SORBS2: variants seen among roughly 807,000 people sequenced by gnomAD.
The protein encoded by SORBS2 is sorbin and SH3 domain-containing protein 2.
In SORBS2, 46 loss-of-function variants were observed where a neutral mutation model predicts 97.7. The observed-to-expected ratio is 0.47, with a 90% CI of 0.37 to 0.60. The LOEUF (loss-of-function observed/expected upper bound fraction) is 0.60. Ranked by LOEUF, SORBS2 falls within the 20% of genes least tolerant of loss-of-function variation. SORBS2 has a pLI of 0.00. For missense variants in SORBS2, 1,316 were observed against 1,282.3 expected, an observed-to-expected ratio of 1.03 and a Z score of -0.40; for synonymous variants, 476 against 473.4, an observed-to-expected ratio of 1.01 and a Z score of -0.07.
intron 1 of SORBS2, among the ~76,000 whole-genome samples, chr4:185,873,586 G>T (rs550074324): frequency 5.9e-5 from 9 of 152,148 alleles, no homozygotes; most frequent in Admixed American, 5.9e-4. Context: ...TTGCTGCTAA[G>T]AGCTGATCAA....
chr4:185,935,476 G>A (rs1289749070), intron 1 of SORBS2, among the ~76,000 whole-genome samples: 1 of 152,134 alleles, frequency 6.6e-6, no homozygotes, highest in Admixed American at 6.5e-5. Context: ...ACACAAAAAT[G>A]TCTCTCACTA....
At chr4:185,692,480 G>A (rs965719864) in intron 2 of SORBS2, among the ~76,000 whole-genome samples, 2 of 152,160 alleles carry the variant, frequency 1.3e-5, no homozygotes, top group African/African-American at 4.8e-5. Flanking sequence ...TGTCTGCCAA[G>A]GTTCTCACCC....
chr4:185,631,288 G>T (rs146034133), intron 4 of SORBS2, among the ~76,000 whole-genome samples: 7 of 152,304 alleles, frequency 4.6e-5, no homozygotes, highest in African/African-American at 2.4e-5. Context: ...TTTAAAGTGC[G>T]CTTTTAAATT....
intron 9 of SORBS2, among the ~76,000 whole-genome samples, chr4:185,615,513 ATTT>A (rs544439736): frequency 7.0e-6 from 1 of 143,278 alleles, no homozygotes. Flanking sequence ...TTCTGCACTG[ATTT>A]TTTTTTTTTT....
intron 6 of SORBS2, 120 bp downstream of exon 18, chr4:185,626,712 T>G (rs2096822191): frequency 2.1e-6 from 2 of 948,550 alleles, no homozygotes; most frequent in Admixed American, 2.0e-5. Flanking sequence ...AACTATATTT[T>G]ATTCCAGACA....
chr4:185,705,094 A>G (rs774978041), intron 2 of SORBS2, among the ~76,000 whole-genome samples: 1 of 152,228 alleles, frequency 6.6e-6, no homozygotes, highest in Non-Finnish European at 1.5e-5. Context: ...GCACACGTAC[A>G]CATGCTGTTG....
intron 4 of SORBS2, chr4:185,646,047 A>T (rs1188050196): frequency 6.6e-6 from 1 of 152,236 alleles, no homozygotes; most frequent in Non-Finnish European, 1.5e-5. Context: ...ATGACAATCA[A>T]TCAGGAAGCT....
At chr4:185,941,946 T>C (rs1393318703) in intron 1 of SORBS2, among the ~76,000 whole-genome samples, 2 of 152,024 alleles carry the variant, frequency 1.3e-5, no homozygotes, top group Non-Finnish European at 2.9e-5. Flanking sequence ...TGAAACCCCA[T>C]CTCTACTAAA....
chr4:185,728,680 C>T (rs958791216), intron 2 of SORBS2, among the ~76,000 whole-genome samples: 3 of 152,204 alleles, frequency 2.0e-5, no homozygotes, highest in Non-Finnish European at 2.9e-5. Flanking sequence ...TGGCGATTCT[C>T]AGATCAGGGA....
At chr4:185,720,228 C>T (rs1463237498) in intron 2 of SORBS2, among the ~76,000 whole-genome samples, 1 of 152,234 alleles carries the variant, frequency 6.6e-6, no homozygotes, top group African/African-American at 2.4e-5. Context: ...GTGAGCAATA[C>T]ACATCTTTTA....
chr4:185,678,540 T>A (rs1285894925), exon 4 of SORBS2: 1 of 1,541,128 alleles, frequency 6.5e-7, no homozygotes, highest in Non-Finnish European at 8.7e-7. Flanking sequence ...CATTGTAAGA[T>A]CTCCAAGCTT....
At chr4:185,814,359 T>C (rs1241539026) in intron 1 of SORBS2, among the ~76,000 whole-genome samples, 1 of 142,944 alleles carries the variant, frequency 7.0e-6, no homozygotes, top group Non-Finnish European at 1.5e-5. Context: ...ACTGCATCTC[T>C]ACAAAAAAAA....
chr4:185,626,688 G>A lies in SORBS2; in HGVS notation c.634+144C>T, dbSNP rs73028080. On this transcript the variant is annotated intron_variant, in intron 6 of 14. Transcript: ENST00000418609. ...CTTGAGTCAGTCTGGGTGGGAAGAA[G>A]GCTATTGTTCTAAAACTATATTTTA... The A allele has an allele frequency of 0.016, 12,897 of 792,232 alleles. 1,110 individuals carry two copies. The African/African-American group carries it at 0.19, about 12-fold the overall frequency. The allele number at this position is 792,232 out of a possible 1,614,324, so 49.1% of individuals were successfully genotyped here.
chr4:185,817,183 G>C (rs2099193761), intron 1 of SORBS2, among the ~76,000 whole-genome samples: 1 of 151,504 alleles, frequency 6.6e-6, no homozygotes, highest in Admixed American at 6.6e-5. Flanking sequence ...TACCAGGTGG[G>C]GAAAAAATAA....
chr4:185,852,594 G>A (rs1017472192), intron 1 of SORBS2, among the ~76,000 whole-genome samples: 1 of 152,138 alleles, frequency 6.6e-6, no homozygotes, highest in Non-Finnish European at 1.5e-5. Context: ...TTGAATGATA[G>A]GAAAAATTTT....
chr4:185,810,874 A>G (rs2099178386), intron 1 of SORBS2: 1 of 152,186 alleles, frequency 6.6e-6, no homozygotes, highest in Non-Finnish European at 1.5e-5. Context: ...TTCACTCTTT[A>G]TCTCTGAAAC....
chr4:185,631,493 T>C (rs1403731302), intron 4 of SORBS2, among the ~76,000 whole-genome samples: 2 of 152,204 alleles, frequency 1.3e-5, no homozygotes, highest in Non-Finnish European at 2.9e-5. Context: ...CTGGGTGCAG[T>C]GGCTCATGCC....
intron 2 of SORBS2, among the ~76,000 whole-genome samples, chr4:185,746,355 C>T (rs1391132189): frequency 6.6e-6 from 1 of 152,114 alleles, no homozygotes; most frequent in African/African-American, 2.4e-5. Context: ...CTCACTCTGT[C>T]GCCCAGGCTG....
chr4:185,689,460 G>A (rs2098046303), intron 2 of SORBS2, among the ~76,000 whole-genome samples: 2 of 152,126 alleles, frequency 1.3e-5, no homozygotes, highest in Admixed American at 1.3e-4. Context: ...TCATCAAGTT[G>A]CCTTTGTGTG....
Sources: allele counts gnomAD v4.1 joint callset (sites outside exome capture counted in the v4.1 genomes callset), GRCh38; gene constraint gnomAD v4.1.1; transcripts MANE v1.5; gene names NCBI Gene and HGNC (gene_info 2026-07-23, HGNC 2026-07-21).